Variants in SMIM31 observed in about 807,000 individuals in gnomAD.
SMIM31 encodes human epithelial cell program regulator.
intron 1 of SMIM31, among the ~76,000 whole-genome samples, chr4:164,762,698 A>G (rs1732668516): frequency 6.6e-6 from 1 of 151,712 alleles, no homozygotes; most frequent in Admixed American, 6.6e-5. Context: ...AAGAAAAAGA[A>G]AAAGAAAGAA....
At chr4:164,780,144 G>C (rs1173101101) in intron 2 of SMIM31, among the ~76,000 whole-genome samples, 1 of 152,168 alleles carries the variant, frequency 6.6e-6, no homozygotes, top group Non-Finnish European at 1.5e-5. Context: ...AATAGGAATA[G>C]TGGCCGGGCG....
chr4:164,783,975 G>A (rs796947594), intron 2 of SMIM31, among the ~76,000 whole-genome samples: 13 of 152,210 alleles, frequency 8.5e-5, no homozygotes, highest in African/African-American at 3.1e-4. Context: ...TCAAAGTACT[G>A]CTTTAGTAAC....
intron 2 of SMIM31, among the ~76,000 whole-genome samples, chr4:164,772,726 C>G (rs959916272): frequency 4.6e-5 from 7 of 151,508 alleles, no homozygotes; most frequent in Admixed American, 1.3e-4. Context: ...CTACAGGCGC[C>G]CGCCACCACG....
chr4:164,790,202 A>G (rs1560831352), intron 2 of SMIM31, among the ~76,000 whole-genome samples: 1 of 152,206 alleles, frequency 6.6e-6, no homozygotes. Flanking sequence ...TATACATGAA[A>G]TGCTATGATG....
chr4:164,795,284 G>A (rs1416387688), intron 2 of SMIM31, among the ~76,000 whole-genome samples: 3 of 152,104 alleles, frequency 2.0e-5, no homozygotes, highest in South Asian at 2.1e-4. Flanking sequence ...GGAGCCAGGC[G>A]CCATGACTTA....
intron 2 of SMIM31, among the ~76,000 whole-genome samples, chr4:164,797,465 C>CTTTTTT (rs70952643): frequency 1.5e-5 from 2 of 131,356 alleles, no homozygotes; most frequent in Non-Finnish European, 1.6e-5. Flanking sequence ...GATTTCTTTT[C>CTTTTTT]TTTTTTTTTT....
chr4:164,776,692 C>A lies in SMIM31; in HGVS notation c.112+6137C>A, dbSNP rs552160613. Reference sequence around the variant, plus strand: ...TTGGTCTGTTTAACCACTGCTCATCCCAGCACCTAGAACACTATTTGGGAA... The same window carrying A: ...TTGGTCTGTTTAACCACTGCTCATCACAGCACCTAGAACACTATTTGGGAA... On this transcript the variant is annotated intron_variant, in intron 2 of 2. Transcript: ENST00000507311. Among the ~76,000 whole-genome samples the A allele has an allele frequency of 1.4e-4, 21 of 152,112 alleles. 1 individual carries two copies. Among genetic ancestry groups the A allele is most frequent in the Non-Finnish European group, 1.5e-5 (1 of 68,022 alleles).
At chr4:164,760,276 C>A (rs1732628670) in intron 1 of SMIM31, among the ~76,000 whole-genome samples, 1 of 152,002 alleles carries the variant, frequency 6.6e-6, no homozygotes, top group African/African-American at 2.4e-5. Context: ...ATGTAGTATG[C>A]CTTACAATCT....
intron 2 of SMIM31, among the ~76,000 whole-genome samples, chr4:164,774,796 T>C (rs1030331068): frequency 2.0e-5 from 3 of 152,214 alleles, no homozygotes; most frequent in Non-Finnish European, 4.4e-5. Flanking sequence ...CAAAGTGGTT[T>C]TTTGTTTTTG....
In SMIM31 at chr4:164,802,395, C is replaced by G. The variant is rs1047069084; in HGVS notation, c.*1201C>G. ...TGACTACAAGCATGTGTCATCACAGCCAGCTAATTTTTGTAATTGTTTGTA... is the reference window on the plus strand; with the variant it reads ...TGACTACAAGCATGTGTCATCACAGGCAGCTAATTTTTGTAATTGTTTGTA... On this transcript the variant is annotated 3_prime_UTR_variant, in exon 3 of 3. Transcript: ENST00000507311. The G allele has an allele frequency of 6.6e-6, 1 of 152,238 alleles. No homozygotes were observed. The highest frequency in any genetic ancestry group is 6.5e-5 in the Admixed American group (1 of 15,272). 9.4% of individuals were successfully genotyped at this position (152,238 alleles called of 1,614,324 possible). A position where few individuals can be genotyped will look rare whatever the true frequency, so the allele number is the denominator to read the frequency against.
chr4:164,759,609 A>G (rs62352419), intron 1 of SMIM31, among the ~76,000 whole-genome samples: 17,411 of 152,180 alleles, frequency 0.11, 1,111 homozygotes, highest in African/African-American at 0.16. Flanking sequence ...TATCCCTATC[A>G]ATGAGGTATC....
At position 164,783,531 on chromosome 4, in the gene SMIM31, GA is replaced by G. The variant is rs67784042; in HGVS notation, c.112+12993del. On this transcript the variant is annotated intron_variant, in intron 2 of 2. Transcript: ENST00000507311. ...AGAGCAAGATTCTGTCTCAAAAAAA[GA>G]AAAAAAAAAAAAAAAAGGAATTTCC... is the stretch of plus-strand genomic sequence containing the variant. Among the ~76,000 whole-genome samples the G allele has an allele frequency of 8.5e-3, 977 of 114,568 alleles. 6 individuals carry two copies. Among genetic ancestry groups the G allele is most frequent in the Admixed American group, 0.025 (300 of 12,142 alleles). 75.2% of individuals were successfully genotyped at this position (114,568 alleles called of 152,430 possible). A position where few individuals can be genotyped will look rare whatever the true frequency, so the allele number is the denominator to read the frequency against.
chr4:164,783,603 T>G (rs1732989416), intron 2 of SMIM31, among the ~76,000 whole-genome samples: 1 of 131,938 alleles, frequency 7.6e-6, no homozygotes, highest in South Asian at 2.3e-4. Flanking sequence ...CAGTGTTTTC[T>G]TCATGCTTCT....
At chr4:164,793,812 A>G (rs1733139548) in intron 2 of SMIM31, among the ~76,000 whole-genome samples, 1 of 152,150 alleles carries the variant, frequency 6.6e-6, no homozygotes, top group Admixed American at 6.6e-5. Flanking sequence ...GTGGGACAGA[A>G]ACATTCAGTC....
At chr4:164,784,644 A>G (rs577784310) in intron 2 of SMIM31, among the ~76,000 whole-genome samples, 16 of 152,196 alleles carry the variant, frequency 1.1e-4, no homozygotes, top group Admixed American at 2.0e-4. Context: ...TGCTTCCTAC[A>G]GTGCTGAAAT....
intron 2 of SMIM31, among the ~76,000 whole-genome samples, chr4:164,774,108 G>A (rs1186819127): frequency 2.0e-5 from 3 of 150,610 alleles, no homozygotes; most frequent in African/African-American, 2.4e-5. Context: ...GGAGCATGCC[G>A]TGAGCTGAGA....
intron 2 of SMIM31, among the ~76,000 whole-genome samples, chr4:164,789,755 G>T (rs975940763): frequency 6.6e-6 from 1 of 152,198 alleles, no homozygotes; most frequent in African/African-American, 2.4e-5. Context: ...GATAAGTAAT[G>T]TTGGAAGATG....
At chr4:164,796,618 C>T (rs1579075089) in intron 2 of SMIM31, among the ~76,000 whole-genome samples, 1 of 152,294 alleles carries the variant, frequency 6.6e-6, no homozygotes, top group East Asian at 1.9e-4. Context: ...CTTCCAAAAC[C>T]TCATCCACCC....
chr4:164,794,540 C>A (rs1453466047), intron 2 of SMIM31, among the ~76,000 whole-genome samples: 2 of 152,160 alleles, frequency 1.3e-5, no homozygotes, highest in Non-Finnish European at 2.9e-5. Context: ...GACGCAGTGG[C>A]TCACACCTGT....
Sources: gnomAD v4.1 joint callset for allele counts (sites outside exome capture counted in the v4.1 genomes callset) on GRCh38, gnomAD v4.1.1 for gene constraint, MANE v1.5 for transcripts, NCBI Gene and HGNC (gene_info 2026-07-23, HGNC 2026-07-21) for gene names.